The following RALGAPA1 variants were observed in gnomAD, a reference collection of about 807,000 sequenced individuals.
RALGAPA1 encodes Ral GTPase activating protein catalytic subunit alpha 1, also known as ral GTPase-activating protein subunit alpha-1.
Under a neutral mutation model 269.6 loss-of-function variants are expected in RALGAPA1, and 52 were observed. The observed-to-expected ratio is 0.19, with a 90% CI of 0.15 to 0.24. RALGAPA1 has a LOEUF of 0.24. RALGAPA1 is among the 10% of genes least tolerant of loss of function. RALGAPA1 has a pLI of 1.00. For synonymous variants in RALGAPA1, 817 were observed against 1,008.3 expected (o/e 0.81, Z 3.60); for missense variants, 1,917 against 3,013.9 (o/e 0.64, Z 8.52).
chr14:35,619,976 T>C (rs906272639), intron 35 of RALGAPA1, among the ~76,000 whole-genome samples: 4 of 152,190 alleles, frequency 2.6e-5, no homozygotes, highest in African/African-American at 9.7e-5. Context: ...CTTCTGAAAC[T>C]ATTCCAATCA....
chr14:35,672,250 G>A (rs1000396844), intron 25 of RALGAPA1, among the ~76,000 whole-genome samples: 3 of 151,784 alleles, frequency 2.0e-5, no homozygotes, highest in Non-Finnish European at 2.9e-5. Flanking sequence ...AATGACCTAC[G>A]AGTTCATCAT....
At chr14:35,700,947 CAG>C (rs1473420213) in intron 16 of RALGAPA1, among the ~76,000 whole-genome samples, 1 of 152,010 alleles carries the variant, frequency 6.6e-6, no homozygotes, top group African/African-American at 2.4e-5. Flanking sequence ...TACATAGAAA[CAG>C]AAAACAATTT....
chr14:35,785,076 C>T (rs1161987990), intron 1 of RALGAPA1, among the ~76,000 whole-genome samples: 1 of 152,172 alleles, frequency 6.6e-6, no homozygotes, highest in African/African-American at 2.4e-5. Flanking sequence ...TCTAATTGTA[C>T]ATGTCCAAAA....
chr14:35,546,554 C>A (rs2054478146), intron 41 of RALGAPA1, among the ~76,000 whole-genome samples: 1 of 151,724 alleles, frequency 6.6e-6, no homozygotes, highest in African/African-American at 2.4e-5. Context: ...ACCATTTTGG[C>A]ATTTCTTTAA....
At chr14:35,764,072 A>G (rs1477840582) in intron 4 of RALGAPA1, among the ~76,000 whole-genome samples, 3 of 147,624 alleles carry the variant, frequency 2.0e-5, no homozygotes, top group African/African-American at 7.5e-5. Flanking sequence ...CCTTTGCACA[A>G]TTTTCAATTT....
intron 1 of RALGAPA1, among the ~76,000 whole-genome samples, chr14:35,802,402 A>G (rs1053451206): frequency 2.6e-5 from 4 of 152,184 alleles, no homozygotes. Context: ...CTGATATGAG[A>G]TCCAATCAGA....
intron 1 of RALGAPA1, among the ~76,000 whole-genome samples, chr14:35,802,548 G>A (rs935726789): frequency 2.0e-5 from 3 of 152,060 alleles, no homozygotes; most frequent in Non-Finnish European, 4.4e-5. Flanking sequence ...CTAAGTAGGT[G>A]GAGAAACGCC....
rs1293681733 is a variant in RALGAPA1, at chr14:35,678,935, TG to T, written c.4472-834del. ...CAGAGTCTCTGCTAGATGCTCTCAC[TG>T]AACCCTGCACCTCTCTATTATACCA... On this transcript the variant is annotated intron_variant, in intron 21 of 41. Transcript: ENST00000680220. Among the ~76,000 whole-genome samples, 950 of 152,310 alleles carry T rather than the reference TG, an allele frequency of 6.2e-3. 15 individuals carry two copies. The highest frequency in any genetic ancestry group is 0.022 in the African/African-American group (900 of 41,556).
Position 35,605,703 on chromosome 14 carries a change from C to T in RALGAPA1, c.6936G>A (p.Glu2312=), listed in dbSNP as rs2059556434. The change falls in exon 36 of 42, where the codon GAG becomes GAA. Residue 2312 remains glutamate (E), a synonymous_variant. Transcript: ENST00000680220. The part of the protein sequence containing the change: ...LRNLDSRQCR[E]THKIAVFYVA... The stretch of plus-strand genomic sequence containing the variant: ...CATAAAATACTGCAATCTTGTGTGT[C>T]TCTCGGCTATAAAACAAAAGATTAC... 1.9e-6 allele frequency: 3 copies of T among 1,605,682 alleles called. No homozygotes were observed. The highest frequency in any genetic ancestry group is 2.5e-6 in the Non-Finnish European group (3 of 1,177,918).
intron 39 of RALGAPA1, among the ~76,000 whole-genome samples, chr14:35,550,679 G>A (rs1419018613): frequency 6.6e-6 from 1 of 152,094 alleles, no homozygotes; most frequent in Non-Finnish European, 1.5e-5. Flanking sequence ...GGTAACTTTT[G>A]CTAAGTGGCT....
intron 11 of RALGAPA1, among the ~76,000 whole-genome samples, chr14:35,738,973 T>C (rs1389657224): frequency 6.6e-6 from 1 of 152,186 alleles, no homozygotes; most frequent in Non-Finnish European, 1.5e-5. Flanking sequence ...AATGGGATTA[T>C]ACTACCTATA....
chr14:35,774,241 C>G (rs1267760129), intron 3 of RALGAPA1, among the ~76,000 whole-genome samples: 2 of 152,070 alleles, frequency 1.3e-5, no homozygotes, highest in African/African-American at 4.8e-5. Context: ...TTAATTAGCA[C>G]CAGACAGAAT....
At chr14:35,772,158 T>C (rs2074683525) in intron 3 of RALGAPA1, among the ~76,000 whole-genome samples, 1 of 152,128 alleles carries the variant, frequency 6.6e-6, no homozygotes, top group Non-Finnish European at 1.5e-5. Context: ...AGGGTTCAAG[T>C]GATCCACTCG....
At chr14:35,748,527 T>C (rs1231538011) in intron 10 of RALGAPA1, 58 bp downstream of exon 10, 55 of 1,514,508 alleles carry the variant, frequency 3.6e-5, no homozygotes, top group Non-Finnish European at 4.6e-5. Flanking sequence ...AATCAGTATG[T>C]TTAATATTAA....
chr14:35,630,962 C>T (rs1186703923), intron 33 of RALGAPA1, among the ~76,000 whole-genome samples: 1 of 151,842 alleles, frequency 6.6e-6, no homozygotes, highest in Non-Finnish European at 1.5e-5. Flanking sequence ...AATAACCAGC[C>T]ATTCAATACT....
intron 31 of RALGAPA1, among the ~76,000 whole-genome samples, chr14:35,641,777 C>T (rs2062045774): frequency 6.6e-6 from 1 of 151,956 alleles, no homozygotes; most frequent in Admixed American, 6.6e-5. Context: ...CAATAAAAGA[C>T]CCAAAACAGT....
At chr14:35,653,812 C>A (rs1380817596) in intron 30 of RALGAPA1, among the ~76,000 whole-genome samples, 1 of 151,632 alleles carries the variant, frequency 6.6e-6, no homozygotes, top group African/African-American at 2.4e-5. Flanking sequence ...ACAGGAGACA[C>A]CGAATTAGAA....
chr14:35,705,808 C>T (rs1333087083), intron 16 of RALGAPA1, among the ~76,000 whole-genome samples: 3 of 152,132 alleles, frequency 2.0e-5, no homozygotes, highest in Admixed American at 6.6e-5. Context: ...ACTTCCCTGC[C>T]AGCATTTGGT....
chr14:35,656,927 G>A (rs2063212205), intron 28 of RALGAPA1, among the ~76,000 whole-genome samples: 1 of 152,028 alleles, frequency 6.6e-6, no homozygotes, highest in Non-Finnish European at 1.5e-5. Flanking sequence ...TAATCCTAAA[G>A]CAACAATAAA....
Sources: gnomAD v4.1 joint callset for allele counts (sites outside exome capture counted in the v4.1 genomes callset) on GRCh38, gnomAD v4.1.1 for gene constraint, MANE v1.5 for transcripts, NCBI Gene and HGNC (gene_info 2026-07-23, HGNC 2026-07-21) for gene names.